Variants in REV3L observed in about 807,000 individuals in gnomAD.
REV3L encodes REV3 like, DNA directed polymerase zeta catalytic subunit, also known as DNA polymerase zeta catalytic subunit.
In REV3L, 69 loss-of-function variants were observed where a neutral mutation model predicts 299.4. That is an observed-to-expected ratio of 0.23 (90% CI 0.19 to 0.28). The LOEUF (loss-of-function observed/expected upper bound fraction) is 0.28. Among genes scored for constraint, REV3L ranks in the 10% least tolerant of loss-of-function variants. The pLI is 1.00. For synonymous variants in REV3L, 1,238 were observed against 1,271.4 expected, an observed-to-expected ratio of 0.97 and a Z score of 0.56; for missense variants, 3,128 against 3,693.8, an observed-to-expected ratio of 0.85 and a Z score of 3.97.
At chr6:111,326,663 A>G (rs1210289738) in intron 25 of REV3L, among the ~76,000 whole-genome samples, 1 of 152,046 alleles carries the variant, frequency 6.6e-6, no homozygotes, top group East Asian at 1.9e-4. Flanking sequence ...GCACTCCCAT[A>G]TTTATTGTAG....
At chr6:111,347,096 C>T (rs898142956) in intron 20 of REV3L, among the ~76,000 whole-genome samples, 28 of 151,852 alleles carry the variant, frequency 1.8e-4, no homozygotes, top group African/African-American at 4.4e-4. Flanking sequence ...AAGGAAAAAC[C>T]GTGTCTCTAC....
chr6:111,396,623 G>T (rs2128262404), intron 4 of REV3L, among the ~76,000 whole-genome samples: 1 of 152,162 alleles, frequency 6.6e-6, no homozygotes, highest in South Asian at 2.1e-4. Context: ...CCAGACCTGG[G>T]CTTTTCTTTA....
intron 1 of REV3L, chr6:111,430,170 C>T: frequency 5.1e-6 from 4 of 791,518 alleles, no homozygotes; most frequent in Non-Finnish European, 9.3e-6. Flanking sequence ...ATTAGACTTG[C>T]CCGGTGAGAA....
At chr6:111,342,643 GGGT>G (rs1776637835) in intron 21 of REV3L, among the ~76,000 whole-genome samples, 1 of 150,904 alleles carries the variant, frequency 6.6e-6, no homozygotes, top group East Asian at 1.9e-4. Flanking sequence ...ACTCCAGCCT[GGGT>G]GACAGAGCGA....
chr6:111,372,260 T>TA (rs1779875342), intron 13 of REV3L, among the ~76,000 whole-genome samples: 1 of 152,206 alleles, frequency 6.6e-6, no homozygotes, highest in African/African-American at 2.4e-5. Context: ...AAATACCATT[T>TA]AAACAATGAT....
At chr6:111,301,119 T>C (rs1476370945) in intron 31 of REV3L, among the ~76,000 whole-genome samples, 1 of 152,222 alleles carries the variant, frequency 6.6e-6, no homozygotes, top group Non-Finnish European at 1.5e-5. Flanking sequence ...TATGCAGTTG[T>C]AGACACGGGA....
At chr6:111,329,776 C>T in intron 24 of REV3L, 38 bp from the exon 25 acceptor site, 1 of 1,449,236 alleles carries the variant, frequency 6.9e-7, no homozygotes, top group African/African-American at 1.4e-5. Flanking sequence ...ACCCCTCAAA[C>T]ATTATAGATT....
chr6:111,454,123 AAT>A lies in REV3L; in HGVS notation c.139+28625_139+28626del, dbSNP rs974934114. On this transcript the variant is annotated intron_variant, in intron 1 of 31. Transcript: ENST00000368802. Reference sequence around the variant, plus strand: ...TTCAAACTTTTTTTTTTTTTTTAATAATAGAGACAGGGTCTCACTATGTTGTC... The same window carrying A: ...TTCAAACTTTTTTTTTTTTTTTAATAAGAGACAGGGTCTCACTATGTTGTC... Among the ~76,000 whole-genome samples, 5 of 151,198 alleles carry A rather than the reference AAT, an allele frequency of 3.3e-5. No individual in the cohort carries two copies. In the South Asian group the frequency reaches 6.2e-4, roughly 19 times the overall value.
chr6:111,404,984 G>T (rs1219637098), intron 4 of REV3L, among the ~76,000 whole-genome samples: 3 of 152,058 alleles, frequency 2.0e-5, no homozygotes, highest in Non-Finnish European at 4.4e-5. Context: ...CTAACCTACA[G>T]CTATTCACAC....
intron 1 of REV3L, among the ~76,000 whole-genome samples, chr6:111,436,171 T>G (rs1334697424): frequency 6.6e-6 from 1 of 152,194 alleles, no homozygotes; most frequent in Non-Finnish European, 1.5e-5. Context: ...CTGGTGAGGA[T>G]GCGGATAAAG....
intron 20 of REV3L, among the ~76,000 whole-genome samples, chr6:111,344,572 C>T (rs1385113616): frequency 6.6e-6 from 1 of 152,090 alleles, no homozygotes; most frequent in Non-Finnish European, 1.5e-5. Flanking sequence ...ACTAAAATGT[C>T]AGAAATGTCT....
At chr6:111,398,639 T>C (rs957370190) in intron 4 of REV3L, among the ~76,000 whole-genome samples, 14 of 143,670 alleles carry the variant, frequency 9.7e-5, no homozygotes, top group Admixed American at 1.4e-4. Context: ...ATGTATTATA[T>C]TAATTTATCA....
At chr6:111,368,332 T>C (rs1456377428) in intron 13 of REV3L, among the ~76,000 whole-genome samples, 17 of 152,220 alleles carry the variant, frequency 1.1e-4, no homozygotes, top group Non-Finnish European at 1.6e-4. Flanking sequence ...ACACAAACTT[T>C]TCAGATTCCT....
chr6:111,318,744 AT>A (rs545347329), intron 26 of REV3L, among the ~76,000 whole-genome samples: 9 of 151,584 alleles, frequency 5.9e-5, no homozygotes, highest in Non-Finnish European at 1.0e-4. Flanking sequence ...CTAATTTTGT[AT>A]TTTTAGTAGA....
intron 1 of REV3L, among the ~76,000 whole-genome samples, chr6:111,429,374 CT>C (rs971580039): frequency 6.6e-6 from 1 of 152,004 alleles, no homozygotes. Flanking sequence ...CCAGAACCAC[CT>C]TACAAAAAAA....
In REV3L at chr6:111,483,192, C is replaced by T; in HGVS notation, c.-304G>A. On this transcript the variant is annotated 5_prime_UTR_variant, in exon 1 of 32. Transcript: ENST00000368802. ...CGGGCTCCTCGGTCCCAGGCTGCAG[C>T]TCTTGTTGCCATGATGATGATGTCA... The T allele has an allele frequency of 2.1e-6, 1 of 483,438 alleles. No individual in the cohort carries two copies. Among genetic ancestry groups the T allele is most frequent in the East Asian group, 3.5e-5 (1 of 28,366 alleles). 29.9% of individuals were successfully genotyped at this position (483,438 alleles called of 1,614,324 possible).
At position 111,322,636 on chromosome 6, in the gene REV3L, G is replaced by T. The variant is rs768946793; in HGVS notation, c.8284C>A (p.Arg2762=). The stretch of plus-strand genomic sequence containing the variant: ...GTATCATTCACCAGTTTAATAGCTC[G>T]TTCCAAGGTCTCTCTGGCTTTGTGA... ...IVHKARETLE[R]AIKLVNDTKK... The change falls in exon 26 of 32, where the codon CGA becomes AGA. Residue 2762 remains arginine, a synonymous_variant. Transcript: ENST00000368802. 1.2e-6 allele frequency: 2 copies of T among 1,614,018 alleles called. No individual in the cohort carries two copies. Among genetic ancestry groups the T allele is most frequent in the Non-Finnish European group, 1.7e-6 (2 of 1,179,972 alleles).
intron 16 of REV3L, among the ~76,000 whole-genome samples, chr6:111,359,653 T>C (rs1290016198): frequency 6.6e-6 from 1 of 152,142 alleles, no homozygotes; most frequent in Non-Finnish European, 1.5e-5. Flanking sequence ...TATTTTTCTA[T>C]GCCAATATAA....
At chr6:111,409,006 A>G (rs1388542679) in intron 3 of REV3L, among the ~76,000 whole-genome samples, 1 of 152,176 alleles carries the variant, frequency 6.6e-6, no homozygotes, top group Non-Finnish European at 1.5e-5. Flanking sequence ...AAGTAACAAT[A>G]AACTCCTATG....
Sources: gnomAD v4.1 joint callset for allele counts (sites outside exome capture counted in the v4.1 genomes callset) on GRCh38, gnomAD v4.1.1 for gene constraint, MANE v1.5 for transcripts, NCBI Gene and HGNC (gene_info 2026-07-23, HGNC 2026-07-21) for gene names.